The following LDLRAD3 variants were observed in gnomAD, a reference collection of about 807,000 sequenced individuals.
LDLRAD3 encodes low density lipoprotein receptor class A domain containing 3, also known as low-density lipoprotein receptor class A domain-containing protein 3.
Under a neutral mutation model 29.4 loss-of-function variants are expected in LDLRAD3, and 20 were observed. The ratio of observed to expected loss-of-function variants is 0.68; its 90% CI spans 0.48 to 0.99. The LOEUF (loss-of-function observed/expected upper bound fraction) is 0.99. Among genes scored for constraint, LDLRAD3 ranks in the 50% least tolerant of loss-of-function variants. The pLI is 0.00. For synonymous variants in LDLRAD3, 157 were observed against 192.7 expected (o/e 0.81, Z 1.53); for missense variants, 420 against 454.3 (o/e 0.92, Z 0.69).
intron 1 of LDLRAD3, among the ~76,000 whole-genome samples, chr11:35,957,877 A>T (rs1009088840): frequency 6.6e-6 from 1 of 152,030 alleles, no homozygotes; most frequent in African/African-American, 2.4e-5. Context: ...GGGTGATTCT[A>T]ATATGTAGGA....
At chr11:36,037,368 T>C (rs1298782879) in intron 2 of LDLRAD3, among the ~76,000 whole-genome samples, 3 of 151,902 alleles carry the variant, frequency 2.0e-5, no homozygotes, top group African/African-American at 7.3e-5. Context: ...GGGGCTGGAG[T>C]GCAGTGGTGT....
intron 2 of LDLRAD3, among the ~76,000 whole-genome samples, chr11:36,068,213 A>G (rs1471462101): frequency 6.6e-6 from 1 of 152,170 alleles, no homozygotes; most frequent in Non-Finnish European, 1.5e-5. Context: ...AAAGCCTTAG[A>G]CTGTCTAAAC....
At chr11:35,959,076 G>C (rs1021144718) in intron 1 of LDLRAD3, among the ~76,000 whole-genome samples, 5 of 152,188 alleles carry the variant, frequency 3.3e-5, no homozygotes, top group Non-Finnish European at 7.3e-5. Context: ...CCTGTTTCTT[G>C]CTGGCTTTTT....
intron 4 of LDLRAD3, among the ~76,000 whole-genome samples, chr11:36,182,151 A>G (rs1854774252): frequency 1.3e-5 from 2 of 152,212 alleles, no homozygotes; most frequent in South Asian, 4.1e-4. Flanking sequence ...AAATCATTGA[A>G]GTGAGGAGAA....
At chr11:36,097,202 A>G (rs1853373578) in intron 3 of LDLRAD3, among the ~76,000 whole-genome samples, 1 of 152,196 alleles carries the variant, frequency 6.6e-6, no homozygotes, top group Admixed American at 6.5e-5. Flanking sequence ...CTGACCAACT[A>G]GGTTCATGGG....
intron 4 of LDLRAD3, among the ~76,000 whole-genome samples, chr11:36,198,995 G>C (rs1046298283): frequency 5.9e-5 from 9 of 152,128 alleles, no homozygotes; most frequent in African/African-American, 2.2e-4. Flanking sequence ...CCGCCTCCGG[G>C]GTTCACCCCA....
chr11:36,229,596 T>C lies in LDLRAD3; in HGVS notation c.*199T>C, dbSNP rs184913826. The C allele has an allele frequency of 1.2e-3, 643 of 546,762 alleles. 2 individuals carry two copies. The highest frequency in any genetic ancestry group is 0.011 in the African/African-American group (564 of 53,504). The allele number at this position is 546,762 out of a possible 1,614,324, so 33.9% of individuals were successfully genotyped here. A position where few individuals can be genotyped will look rare whatever the true frequency, so the allele number is the denominator to read the frequency against. ...TGGCGTCTCAGTTGACATGATCTGT[T>C]GTGCGTCTTTTCTGTCAGGTCACTC... On this transcript the variant is annotated 3_prime_UTR_variant, in exon 6 of 6. Coordinates refer to ENST00000315571, the MANE Select transcript of LDLRAD3 (RefSeq NM_174902.4).
At chr11:35,994,454 T>C (rs1054968005) in intron 1 of LDLRAD3, among the ~76,000 whole-genome samples, 2 of 152,134 alleles carry the variant, frequency 1.3e-5, no homozygotes, top group African/African-American at 4.8e-5. Context: ...AATACTTTAT[T>C]GCTAGAAAGT....
chr11:36,175,829 C>T (rs1465576648), intron 4 of LDLRAD3, among the ~76,000 whole-genome samples: 2 of 152,108 alleles, frequency 1.3e-5, no homozygotes, highest in African/African-American at 2.4e-5. Context: ...AGTTTAGTTG[C>T]TCTAGGGTAT....
chr11:35,979,921 G>A (rs1000699029), intron 1 of LDLRAD3, among the ~76,000 whole-genome samples: 6 of 151,598 alleles, frequency 4.0e-5, no homozygotes, highest in Non-Finnish European at 5.9e-5. Flanking sequence ...TTATCAATGC[G>A]GAGCATCATC....
At chr11:35,983,381 A>G (rs1345557868) in intron 1 of LDLRAD3, among the ~76,000 whole-genome samples, 1 of 152,144 alleles carries the variant, frequency 6.6e-6, no homozygotes, top group Admixed American at 6.5e-5. Flanking sequence ...TGTGGCTTGC[A>G]TTATATTTCT....
intron 4 of LDLRAD3, among the ~76,000 whole-genome samples, chr11:36,105,807 A>G (rs1853521300): frequency 6.6e-6 from 1 of 152,184 alleles, no homozygotes; most frequent in African/African-American, 2.4e-5. Flanking sequence ...CGAGGAGACA[A>G]TACATTTCTA....
In LDLRAD3 at chr11:35,973,921, TTG is replaced by T. The variant is rs1346177604; in HGVS notation, c.46+29781_46+29782del. Among the ~76,000 whole-genome samples the T allele has an allele frequency of 2.0e-5, 3 of 152,348 alleles. No individual in the cohort carries two copies. In the East Asian group the frequency reaches 5.8e-4, roughly 29 times the overall value. ...CATTTTGATCCTAGTCAGTGTCTCA[TTG>T]TGTTTCTCACTCTTATAATGAGGAA... is the stretch of plus-strand genomic sequence containing the variant. On this transcript the variant is annotated intron_variant, in intron 1 of 5. Transcript: ENST00000315571.
At chr11:36,214,415 T>C (rs11820553) in intron 4 of LDLRAD3, among the ~76,000 whole-genome samples, 1 of 152,108 alleles carries the variant, frequency 6.6e-6, no homozygotes, top group African/African-American at 2.4e-5. Context: ...AGTTGGTGGA[T>C]CTCTAGATGA....
intron 4 of LDLRAD3, among the ~76,000 whole-genome samples, chr11:36,219,280 GT>G (rs1415544042): frequency 6.6e-6 from 1 of 152,118 alleles, no homozygotes; most frequent in Non-Finnish European, 1.5e-5. Context: ...GGGACATTTT[GT>G]CTGCCTTGAA....
At chr11:36,140,998 C>CTT (rs2133314927) in intron 4 of LDLRAD3, among the ~76,000 whole-genome samples, 1 of 104,584 alleles carries the variant, frequency 9.6e-6, no homozygotes, top group African/African-American at 4.3e-5. Context: ...AGCTTTCTCT[C>CTT]TCTCTCTCTC....
At chr11:36,190,797 AAAG>A (rs1234305969) in intron 4 of LDLRAD3, among the ~76,000 whole-genome samples, 2 of 152,194 alleles carry the variant, frequency 1.3e-5, no homozygotes, top group African/African-American at 2.4e-5. Context: ...CATTGGGCAA[AAAG>A]AAGATCCTAC....
intron 1 of LDLRAD3, among the ~76,000 whole-genome samples, chr11:36,027,209 G>C (rs1852178562): frequency 6.6e-6 from 1 of 152,190 alleles, no homozygotes; most frequent in African/African-American, 2.4e-5. Flanking sequence ...GTGTAAAAGA[G>C]AGCCCTCTTG....
chr11:36,163,473 G>T (rs1012090756), intron 4 of LDLRAD3: 1 of 152,188 alleles, frequency 6.6e-6, no homozygotes, highest in Non-Finnish European at 1.5e-5. Flanking sequence ...ATGTGTGACT[G>T]GGTATAGTCA....
Sources: gnomAD v4.1 joint callset for allele counts (sites outside exome capture counted in the v4.1 genomes callset) on GRCh38, gnomAD v4.1.1 for gene constraint, MANE v1.5 for transcripts, NCBI Gene and HGNC (gene_info 2026-07-23, HGNC 2026-07-21) for gene names.